CFAP299: variants seen among roughly 807,000 people sequenced by gnomAD.
CFAP299 encodes the protein cilia- and flagella-associated protein 299.
A neutral mutation model predicts 27.0 loss-of-function variants in CFAP299; 21 were observed. That is an observed-to-expected ratio of 0.78 (90% CI 0.55 to 1.12). The LOEUF is 1.12. CFAP299 is among the 50% of genes most tolerant of loss of function. The pLI, the probability that CFAP299 is intolerant of heterozygous loss-of-function variation, is 0.00. For missense variants in CFAP299, 310 were observed against 276.6 expected, an observed-to-expected ratio of 1.12 and a Z score of -0.86; for synonymous variants, 104 against 98.1, an observed-to-expected ratio of 1.06 and a Z score of -0.36.
At chr4:80,694,701 C>G (rs977197850) in intron 3 of CFAP299, among the ~76,000 whole-genome samples, 1 of 152,122 alleles carries the variant, frequency 6.6e-6, no homozygotes, top group Non-Finnish European at 1.5e-5. Flanking sequence ...ATTTAATTAT[C>G]TTTAAATGTC....
chr4:80,932,132 A>G (rs537104837), intron 4 of CFAP299, among the ~76,000 whole-genome samples: 24 of 152,162 alleles, frequency 1.6e-4, no homozygotes, highest in Non-Finnish European at 2.5e-4. Flanking sequence ...TACCTAGAAC[A>G]TTCTGTAGCT....
chr4:80,869,847 A>G (rs1354196658), intron 3 of CFAP299, 146 bp from the exon 4 acceptor site: 3 of 697,366 alleles, frequency 4.3e-6, no homozygotes, highest in Non-Finnish European at 6.8e-6. Context: ...GGGAAAAAGA[A>G]GCTGTTCAAT....
At chr4:80,661,975 G>A (rs59042148) in intron 3 of CFAP299, among the ~76,000 whole-genome samples, 6,945 of 152,190 alleles carry the variant, frequency 0.046, 551 homozygotes, top group African/African-American at 0.16. Context: ...TTATTAGGAC[G>A]AGGAAATTCC....
intron 2 of CFAP299, among the ~76,000 whole-genome samples, chr4:80,559,603 A>T (rs1286533149): frequency 6.6e-6 from 1 of 152,180 alleles, no homozygotes; most frequent in Non-Finnish European, 1.5e-5. Flanking sequence ...TGAGTGGCAG[A>T]TGCCAGTCTC....
intron 3 of CFAP299, among the ~76,000 whole-genome samples, chr4:80,850,779 G>A (rs563244923): frequency 1.8e-4 from 28 of 152,082 alleles, no homozygotes; most frequent in African/African-American, 3.4e-4. Context: ...AGGAATGAAC[G>A]GTATCCAGGA....
chr4:80,680,986 G>A (rs34492789), intron 3 of CFAP299, among the ~76,000 whole-genome samples: 1 of 152,106 alleles, frequency 6.6e-6, no homozygotes, highest in African/African-American at 2.4e-5. Flanking sequence ...CCAACCCTAA[G>A]GAGGTTGTAT....
intron 4 of CFAP299, among the ~76,000 whole-genome samples, chr4:80,879,474 G>A (rs187121691): frequency 1.7e-3 from 252 of 152,130 alleles, no homozygotes; most frequent in Non-Finnish European, 2.8e-3. Flanking sequence ...TTGATTGCCT[G>A]ACCATTACAC....
the CFAP299 span, among the ~76,000 whole-genome samples, chr4:80,325,046 C>A: frequency 6.6e-6 from 1 of 152,226 alleles, no homozygotes. Context: ...TCACTTGAAC[C>A]TGGGAGGCGG....
chr4:80,448,240 AAAT>A (rs980010909), intron 2 of CFAP299, among the ~76,000 whole-genome samples: 13 of 152,210 alleles, frequency 8.5e-5, no homozygotes, highest in African/African-American at 3.1e-4. Flanking sequence ...CTGGTGTTGA[AAAT>A]GTCAGAAAAT....
intron 3 of CFAP299, among the ~76,000 whole-genome samples, chr4:80,800,251 A>G (rs1193130049): frequency 1.4e-5 from 1 of 72,986 alleles, no homozygotes; most frequent in African/African-American, 5.9e-5. Context: ...AATATATAAT[A>G]TATATTATAT....
At chr4:80,550,969 A>T (rs2110209515) in intron 2 of CFAP299, among the ~76,000 whole-genome samples, 1 of 152,304 alleles carries the variant, frequency 6.6e-6, no homozygotes, top group East Asian at 1.9e-4. Context: ...AGAAACTTAA[A>T]AAAATATATT....
At chr4:80,522,927 G>A (rs561734455) in intron 2 of CFAP299, among the ~76,000 whole-genome samples, 3 of 152,190 alleles carry the variant, frequency 2.0e-5, no homozygotes, top group African/African-American at 7.2e-5. Context: ...AAGCCATGAA[G>A]TATGATACCT....
intron 3 of CFAP299, among the ~76,000 whole-genome samples, chr4:80,640,931 T>G (rs1405951350): frequency 6.6e-6 from 1 of 152,220 alleles, no homozygotes; most frequent in African/African-American, 2.4e-5. Context: ...TAAGGTAATA[T>G]GCAAACAAAT....
chr4:80,551,015 G>T (rs567038125), intron 2 of CFAP299, among the ~76,000 whole-genome samples: 1 of 152,224 alleles, frequency 6.6e-6, no homozygotes, highest in South Asian at 2.1e-4. Flanking sequence ...CCATGCTGCT[G>T]GTAGCTCAGT....
chr4:80,738,662 C>CTTT (rs35802332), intron 3 of CFAP299, among the ~76,000 whole-genome samples: 2,285 of 141,724 alleles, frequency 0.016, 45 homozygotes, highest in African/African-American at 0.049. Flanking sequence ...ATCATTGGGT[C>CTTT]TTTTTTTTTT....
At chr4:80,737,579 G>C (rs1723981227) in intron 3 of CFAP299, among the ~76,000 whole-genome samples, 1 of 151,952 alleles carries the variant, frequency 6.6e-6, no homozygotes, top group African/African-American at 2.4e-5. Context: ...GCATTTAGTT[G>C]CTCATAGTAG....
the CFAP299 span, among the ~76,000 whole-genome samples, chr4:80,322,204 C>CT: frequency 6.6e-6 from 1 of 152,172 alleles, no homozygotes. Flanking sequence ...ATTTATACAC[C>CT]TGTGTAAAAG....
intron 1 of CFAP299, among the ~76,000 whole-genome samples, chr4:80,337,659 A>T (rs1722218335): frequency 6.6e-6 from 1 of 152,140 alleles, no homozygotes; most frequent in Non-Finnish European, 1.5e-5. Flanking sequence ...CAGCCTCCCA[A>T]AGTGCTGGAA....
intron 2 of CFAP299, among the ~76,000 whole-genome samples, chr4:80,499,025 A>G (rs1268621713): frequency 1.3e-5 from 2 of 152,180 alleles, no homozygotes; most frequent in Non-Finnish European, 2.9e-5. Flanking sequence ...GTTCTCACTT[A>G]TAAGTGGGAA....
Sources: allele counts gnomAD v4.1 joint callset (sites outside exome capture counted in the v4.1 genomes callset), GRCh38; gene constraint gnomAD v4.1.1; transcripts MANE v1.5; gene names NCBI Gene and HGNC (gene_info 2026-07-23, HGNC 2026-07-21).